WDR7: variants seen among roughly 807,000 people sequenced by gnomAD.
The protein encoded by WDR7 is WD repeat-containing protein 7.
In WDR7, 46 loss-of-function variants were observed where a neutral mutation model predicts 169.4. The observed-to-expected ratio is 0.27, with a 90% CI of 0.21 to 0.35. The LOEUF is 0.35. Ranked by LOEUF, WDR7 falls within the 10% of genes least tolerant of loss-of-function variation. The pLI is 1.00. For synonymous variants in WDR7, 612 were observed against 666.8 expected, an observed-to-expected ratio of 0.92 and a Z score of 1.27; for missense variants, 1,534 against 1,859.3, an observed-to-expected ratio of 0.83 and a Z score of 3.22.
At position 56,672,559 on chromosome 18, in the gene WDR7, G is replaced by A. The variant is rs143281590; in HGVS notation, c.44G>A (p.Arg15Gln). ...SLVLPIVLWG[R>Q]KAPTHCISAV... ...GTTCTACCCATTGTTCTTTGGGGTC[G>A]AAAAGCGCCCACACATTGCATCTCA... The change falls in exon 2 of 28, where the codon CGA (arginine) becomes CAA (glutamine). Residue 15 changes from arginine to glutamine, a missense_variant. Arg to Gln is a conservative substitution (Grantham distance 43). Transcript: ENST00000254442. 43 of 1,610,672 alleles carry A rather than the reference G, an allele frequency of 2.7e-5. No individual in the cohort carries two copies. Among genetic ancestry groups the A allele is most frequent in the Admixed American group, 1.5e-4 (9 of 59,724 alleles).
intron 16 of WDR7, among the ~76,000 whole-genome samples, chr18:56,759,781 G>A (rs572656248): frequency 6.6e-6 from 1 of 152,236 alleles, no homozygotes; most frequent in East Asian, 1.9e-4. Context: ...GTTTGAAAGA[G>A]TCAAACAGTA....
chr18:56,657,642 A>G (rs1158339415), intron 1 of WDR7, among the ~76,000 whole-genome samples: 1 of 152,250 alleles, frequency 6.6e-6, no homozygotes, highest in Middle Eastern at 3.2e-3. Context: ...GACAGGTACT[A>G]TGATAGTAAT....
chr18:56,861,233 G>T (rs760198922), intron 20 of WDR7, among the ~76,000 whole-genome samples: 4 of 152,180 alleles, frequency 2.6e-5, no homozygotes, highest in Non-Finnish European at 5.9e-5. Context: ...CAATTAAACT[G>T]CCTTTTTTCA....
intron 20 of WDR7, chr18:56,874,063 T>C (rs1202099380): frequency 1.3e-5 from 2 of 152,250 alleles, no homozygotes. Context: ...TTGGTTTGCT[T>C]CCTGTTTCAA....
chr18:56,861,931 A>G (rs2045809327), intron 20 of WDR7, among the ~76,000 whole-genome samples: 2 of 152,258 alleles, frequency 1.3e-5, no homozygotes, highest in East Asian at 1.9e-4. Context: ...TTTTACACAC[A>G]GAAAAATTTC....
chr18:56,764,771 GC>G lies in WDR7; in HGVS notation c.2848+5821del, dbSNP rs2044035253. On this transcript the variant is annotated intron_variant, in intron 16 of 27. Transcript: ENST00000254442. ...TTATAACTGTCAGTCAGGTCAAGTT[GC>G]CCGTGTTCAAGTTTAGTATATACTT... Among the ~76,000 whole-genome samples, 6 of 152,160 alleles carry G rather than the reference GC, an allele frequency of 3.9e-5. No individual in the cohort carries two copies. In the South Asian group the frequency reaches 8.3e-4, roughly 21 times the overall value.
intron 25 of WDR7, among the ~76,000 whole-genome samples, chr18:56,958,202 A>G (rs2047283746): frequency 6.6e-6 from 1 of 152,140 alleles, no homozygotes; most frequent in African/African-American, 2.4e-5. Flanking sequence ...TTTGTGTTTC[A>G]AACTCAAACC....
intron 14 of WDR7, among the ~76,000 whole-genome samples, chr18:56,748,638 TA>T (rs1387561188): frequency 6.6e-6 from 1 of 152,166 alleles, no homozygotes; most frequent in Non-Finnish European, 1.5e-5. Context: ...AGTTTATGCT[TA>T]TTAACATACT....
chr18:56,777,481 G>A (rs142377745), intron 17 of WDR7, among the ~76,000 whole-genome samples: 4 of 152,194 alleles, frequency 2.6e-5, no homozygotes, highest in African/African-American at 9.6e-5. Flanking sequence ...TACACAAGTC[G>A]AAAGTATTTT....
chr18:56,877,961 G>C (rs2046049002), intron 20 of WDR7, among the ~76,000 whole-genome samples: 1 of 152,046 alleles, frequency 6.6e-6, no homozygotes, highest in Non-Finnish European at 1.5e-5. Context: ...GTACATGTTA[G>C]TCATGATTTC....
intron 20 of WDR7, among the ~76,000 whole-genome samples, chr18:56,820,359 A>AAAAAAC (rs1555695958): frequency 0.011 from 1,432 of 127,296 alleles, 114 homozygotes; most frequent in African/African-American, 0.026. Context: ...AAAAAAAAAA[A>AAAAAAC]AAAAACCACC....
intron 16 of WDR7, among the ~76,000 whole-genome samples, chr18:56,769,418 C>T (rs1259559172): frequency 1.3e-5 from 2 of 152,082 alleles, no homozygotes; most frequent in Admixed American, 6.5e-5. Flanking sequence ...AGGCTGGTTT[C>T]GAACTCCTGG....
chr18:56,658,021 G>A (rs2024816692), intron 1 of WDR7, among the ~76,000 whole-genome samples: 1 of 152,134 alleles, frequency 6.6e-6, no homozygotes, highest in South Asian at 2.1e-4. Context: ...CAGTTTAGGG[G>A]AGGGAAGATT....
chr18:56,702,876 T>C (rs1024058319), intron 12 of WDR7, among the ~76,000 whole-genome samples: 1 of 152,206 alleles, frequency 6.6e-6, no homozygotes. Context: ...ATTTTCCTCA[T>C]TTACATTGAC....
At chr18:56,655,726 C>T (rs1396948493) in intron 1 of WDR7, among the ~76,000 whole-genome samples, 1 of 151,952 alleles carries the variant, frequency 6.6e-6, no homozygotes, top group Non-Finnish European at 1.5e-5. Flanking sequence ...TTACCCTCAC[C>T]ATCCCTTAAT....
intron 26 of WDR7, among the ~76,000 whole-genome samples, chr18:56,992,269 C>T (rs945348030): frequency 5.3e-5 from 8 of 152,120 alleles, no homozygotes; most frequent in Admixed American, 6.6e-5. Flanking sequence ...ATGTAACTAG[C>T]GATAGAACAG....
chr18:56,857,903 T>C (rs1324684538), intron 20 of WDR7, among the ~76,000 whole-genome samples: 4 of 152,150 alleles, frequency 2.6e-5, no homozygotes, highest in Non-Finnish European at 4.4e-5. Context: ...TCCTACCTTC[T>C]CTGTGACTCC....
At chr18:57,019,103 A>C (rs2048248730) in intron 26 of WDR7, among the ~76,000 whole-genome samples, 1 of 152,162 alleles carries the variant, frequency 6.6e-6, no homozygotes, top group Non-Finnish European at 1.5e-5. Flanking sequence ...CTGGTATGCT[A>C]CGTGATGGTG....
chr18:56,825,411 G>A (rs1162629818), intron 20 of WDR7, among the ~76,000 whole-genome samples: 1 of 152,152 alleles, frequency 6.6e-6, no homozygotes, highest in Non-Finnish European at 1.5e-5. Context: ...CATTTATTGA[G>A]TACTTAATAT....
Sources: gnomAD v4.1 joint callset for allele counts (sites outside exome capture counted in the v4.1 genomes callset) on GRCh38, gnomAD v4.1.1 for gene constraint, MANE v1.5 for transcripts, NCBI Gene and HGNC (gene_info 2026-07-23, HGNC 2026-07-21) for gene names.